Variants in SLC24A3 observed in about 807,000 individuals in gnomAD.
SLC24A3 encodes the protein sodium/potassium/calcium exchanger 3.
Under a neutral mutation model 75.8 loss-of-function variants are expected in SLC24A3, and 28 were observed. The observed-to-expected ratio is 0.37, with a 90% confidence interval of 0.27 to 0.51. The LOEUF (loss-of-function observed/expected upper bound fraction) is 0.51. Among genes scored for constraint, SLC24A3 ranks in the 20% least tolerant of loss-of-function variants. The probability of loss-of-function intolerance (pLI) is 0.94; values close to 1 mark genes in which losing one functional copy is unlikely to be tolerated. For missense variants in SLC24A3, 663 were observed against 847.8 expected, an observed-to-expected ratio of 0.78 and a Z score of 2.71; for synonymous variants, 372 against 334.1, an observed-to-expected ratio of 1.11 and a Z score of -1.24.
chr20:19,286,200 G>A (rs1007743764), intron 2 of SLC24A3, among the ~76,000 whole-genome samples: 1 of 152,152 alleles, frequency 6.6e-6, no homozygotes, highest in Non-Finnish European at 1.5e-5. Flanking sequence ...CTATGGGGAT[G>A]GCCAGGAGTG....
intron 1 of SLC24A3, among the ~76,000 whole-genome samples, chr20:19,240,629 G>A (rs1284937401): frequency 6.6e-6 from 1 of 152,188 alleles, no homozygotes; most frequent in Non-Finnish European, 1.5e-5. Flanking sequence ...TGGTTAGTGA[G>A]CCTGATTTGT....
At chr20:19,544,849 C>T (rs1445678811) in intron 3 of SLC24A3, among the ~76,000 whole-genome samples, 1 of 152,116 alleles carries the variant, frequency 6.6e-6, no homozygotes, top group Non-Finnish European at 1.5e-5. Context: ...AATGAAGCAA[C>T]TCCAAGCAAT....
At chr20:19,358,905 T>C (rs918299907) in intron 2 of SLC24A3, among the ~76,000 whole-genome samples, 1 of 152,222 alleles carries the variant, frequency 6.6e-6, no homozygotes, top group African/African-American at 2.4e-5. Flanking sequence ...TTTCACTTAG[T>C]ATCATGTTTT....
intron 4 of SLC24A3, 34 bp downstream of exon 4, chr20:19,580,108 A>G: frequency 5.7e-6 from 9 of 1,585,406 alleles, no homozygotes; most frequent in Non-Finnish European, 7.8e-6. Context: ...TGTGTGAGCC[A>G]GACTGGGGAC....
At chr20:19,430,295 A>G (rs1987077573) in intron 2 of SLC24A3, among the ~76,000 whole-genome samples, 1 of 152,206 alleles carries the variant, frequency 6.6e-6, no homozygotes, top group African/African-American at 2.4e-5. Context: ...GGCTTAAAGC[A>G]GAGAAGATCA....
At chr20:19,395,811 T>C (rs1264277030) in intron 2 of SLC24A3, among the ~76,000 whole-genome samples, 1 of 152,080 alleles carries the variant, frequency 6.6e-6, no homozygotes, top group Admixed American at 6.6e-5. Flanking sequence ...AAAGGTTGTG[T>C]GTACTTGGGG....
At chr20:19,685,400 T>G (rs773491158) in intron 12 of SLC24A3, 39 bp downstream of exon 12, 1 of 1,603,530 alleles carries the variant, frequency 6.2e-7, no homozygotes, top group Non-Finnish European at 8.5e-7. Flanking sequence ...TGGGAGCTAT[T>G]TTGAGCCACT....
intron 9 of SLC24A3, 41 bp downstream of exon 9, chr20:19,673,695 G>T: frequency 6.5e-7 from 1 of 1,533,308 alleles, no homozygotes; most frequent in Non-Finnish European, 9.0e-7. Context: ...ACTGTTTCTT[G>T]CATTCCACAT....
chr20:19,238,514 C>T (rs533322765), intron 1 of SLC24A3, among the ~76,000 whole-genome samples: 3 of 152,232 alleles, frequency 2.0e-5, no homozygotes, highest in South Asian at 4.2e-4. Flanking sequence ...ATGCTATGTT[C>T]GGCTGCAGTA....
intron 3 of SLC24A3, among the ~76,000 whole-genome samples, chr20:19,540,587 A>C (rs2030478198): frequency 6.6e-6 from 1 of 152,240 alleles, no homozygotes; most frequent in African/African-American, 2.4e-5. Flanking sequence ...TGAGGGACAG[A>C]GCCAGCGCCA....
At position 19,721,122 on chromosome 20, in the gene SLC24A3, C is replaced by T. The variant is rs747719935; in HGVS notation, c.1917C>T (p.Pro639=). The T allele has an allele frequency of 6.8e-6, 11 of 1,614,040 alleles. No homozygotes were observed. Among genetic ancestry groups the T allele is most frequent in the Non-Finnish European group, 9.3e-6 (11 of 1,180,048 alleles). ...EFNVFTFVNL[P]MCGDH is the part of the protein sequence containing the mutation. The stretch of plus-strand genomic sequence containing the variant: ...ACGTGTTCACCTTTGTGAACCTGCC[C>T]ATGTGCGGGGACCACTGAGCCGCCG... The change falls in exon 17 of 17, where the codon CCC becomes CCT. Residue 639 remains proline (P), a synonymous_variant. Coordinates refer to ENST00000328041, the MANE Select transcript of SLC24A3 (RefSeq NM_020689.4).
chr20:19,400,657 C>G (rs1804049087), intron 2 of SLC24A3, among the ~76,000 whole-genome samples: 1 of 152,178 alleles, frequency 6.6e-6, no homozygotes, highest in African/African-American at 2.4e-5. Context: ...CCTGAGGACT[C>G]TAGCTGTCTT....
chr20:19,463,809 G>A (rs1987719973), intron 2 of SLC24A3, among the ~76,000 whole-genome samples: 1 of 152,206 alleles, frequency 6.6e-6, no homozygotes, highest in South Asian at 2.1e-4. Flanking sequence ...GCTCCCCCTG[G>A]CTAGGCTGAG....
intron 1 of SLC24A3, among the ~76,000 whole-genome samples, chr20:19,216,580 G>C (rs1981562351): frequency 6.6e-6 from 1 of 151,874 alleles, no homozygotes; most frequent in Admixed American, 6.6e-5. Context: ...CTGTACCCCA[G>C]CCTGGGCAAC....
intron 6 of SLC24A3, among the ~76,000 whole-genome samples, chr20:19,601,984 G>A (rs2031533101): frequency 6.6e-6 from 1 of 152,054 alleles, no homozygotes; most frequent in South Asian, 2.1e-4. Flanking sequence ...ACCAGCCTGG[G>A]CAACATGGTG....
chr20:19,406,891 C>T (rs1986656591), intron 2 of SLC24A3, among the ~76,000 whole-genome samples: 1 of 152,148 alleles, frequency 6.6e-6, no homozygotes, highest in Non-Finnish European at 1.5e-5. Context: ...TTCCAAGACA[C>T]AAGTGTAATC....
chr20:19,490,037 CTGTTTCTG>C (rs1345106211), intron 2 of SLC24A3, among the ~76,000 whole-genome samples: 1 of 152,174 alleles, frequency 6.6e-6, no homozygotes, highest in Non-Finnish European at 1.5e-5. Flanking sequence ...AATTGCTCAC[CTGTTTCTG>C]TGTTTGTAAA....
chr20:19,475,768 T>G (rs1987952347), intron 2 of SLC24A3, among the ~76,000 whole-genome samples: 1 of 152,222 alleles, frequency 6.6e-6, no homozygotes, highest in Non-Finnish European at 1.5e-5. Flanking sequence ...CAGTTTAATT[T>G]AAAAATTCCA....
intron 2 of SLC24A3, among the ~76,000 whole-genome samples, chr20:19,403,320 A>G (rs1488246830): frequency 6.6e-6 from 1 of 152,234 alleles, no homozygotes; most frequent in African/African-American, 2.4e-5. Context: ...AAGAAATCAG[A>G]GAATGCTTAT....
Sources: allele counts gnomAD v4.1 joint callset (sites outside exome capture counted in the v4.1 genomes callset), GRCh38; gene constraint gnomAD v4.1.1; transcripts MANE v1.5; gene names NCBI Gene and HGNC (gene_info 2026-07-23, HGNC 2026-07-21).